The following ZNF674 variants were observed in gnomAD, a reference collection of about 807,000 sequenced individuals.
ZNF674 encodes the protein zinc finger protein 674, also known as zinc finger family member 674.
Under a neutral mutation model 7.0 loss-of-function variants are expected in ZNF674, and 2 were observed. That is an observed-to-expected ratio of 0.29 (90% confidence interval 0.12 to 0.90). ZNF674 has a LOEUF of 0.90. ZNF674 is among the 40% of genes least tolerant of loss of function. The pLI is 0.57. For synonymous variants in ZNF674, 103 were observed against 145.2 expected (o/e 0.71, Z 2.09); for missense variants, 297 against 415.5 (o/e 0.71, Z 2.48).
At chrX:46,542,976 G>A (rs751165709) in intron 2 of ZNF674, among the ~76,000 whole-genome samples, 1 of 110,253 alleles carries the variant, frequency 9.1e-6, no homozygotes, top group South Asian at 3.9e-4. Flanking sequence ...TTGAGATGCA[G>A]TTTTGCTCTT....
In ZNF674 at chrX:46,500,064, T is replaced by A; in HGVS notation, c.1510A>T (p.Lys504Ter). ...CTCTGATGTTTGATGAGAGTTGACT[T>A]CCTACTGAAGGCTTTTTTACAGTCA... is the stretch of plus-strand genomic sequence containing the variant. ...CTDCKKAFSR[K>*]STLIKHQRIH... The change falls in exon 6 of 6, where the codon AAG (lysine) becomes TAG (stop). Residue 504 changes from lysine (K) to a stop codon, truncating the protein, a stop_gained. Transcript: ENST00000683375. LOFTEE classifies it low-confidence loss of function (END_TRUNC). 1.7e-6 allele frequency: 2 copies of A among 1,211,714 alleles called. No individual in the cohort carries two copies. Among genetic ancestry groups the A allele is most frequent in the Non-Finnish European group, 2.2e-6 (2 of 895,330 alleles).
chrX:46,501,383 T>G (rs371099445), intron 5 of ZNF674, 48 bp from the exon 6 acceptor site: 2 of 1,142,262 alleles, frequency 1.8e-6, no homozygotes, highest in African/African-American at 3.6e-5. Flanking sequence ...CCACTATAAT[T>G]TATGAAATAA....
At chrX:46,510,607 G>A (rs996585086) in intron 5 of ZNF674, among the ~76,000 whole-genome samples, 9 of 111,724 alleles carry the variant, frequency 8.1e-5, no homozygotes, top group East Asian at 5.6e-4. Flanking sequence ...TGGCCAACAC[G>A]GTGAAACCCC....
At chrX:46,525,875 C>T (rs1031306684) in intron 5 of ZNF674, among the ~76,000 whole-genome samples, 1 of 111,485 alleles carries the variant, frequency 9.0e-6, no homozygotes, top group Non-Finnish European at 1.9e-5. Context: ...TGAAATTAAA[C>T]AAAATACCAC....
chrX:46,510,004 C>T (rs1167197210), intron 5 of ZNF674, among the ~76,000 whole-genome samples: 1 of 109,337 alleles, frequency 9.1e-6, no homozygotes, highest in Non-Finnish European at 1.9e-5. Flanking sequence ...ATGGATGAAA[C>T]TGGAAATCAT....
At chrX:46,542,278 T>G (rs902445800) in intron 2 of ZNF674, among the ~76,000 whole-genome samples, 162 bp from the exon 3 acceptor site, 1 of 111,460 alleles carries the variant, frequency 9.0e-6, no homozygotes, top group Non-Finnish European at 1.9e-5. Flanking sequence ...ATCATGTGGG[T>G]TTTGCACATG....
chrX:46,544,533 G>C lies in ZNF674; in HGVS notation c.-62C>G, dbSNP rs1233684313. 8.9e-6 allele frequency: 1 copy of C among 112,102 alleles called. No homozygotes were observed. The highest frequency in any genetic ancestry group is 1.9e-5 in the Non-Finnish European group (1 of 53,228). The allele number at this position is 112,102 out of a possible 1,213,427, so 9.2% of individuals were successfully genotyped here. A position where few individuals can be genotyped will look rare whatever the true frequency, so the allele number is the denominator to read the frequency against. ...TGGGGCCTCAGCCTAAGTCTTCTGC[G>C]ACTAAGTGGGGAAGCCGAGGCACAG... On this transcript the variant is annotated 5_prime_UTR_variant, in exon 2 of 6. Coordinates refer to ENST00000683375, the MANE Select transcript of ZNF674 (RefSeq NM_001190417.2).
At chrX:46,508,095 G>A (rs183148378) in intron 5 of ZNF674, among the ~76,000 whole-genome samples, 1 of 110,800 alleles carries the variant, frequency 9.0e-6, no homozygotes, top group African/African-American at 3.3e-5. Flanking sequence ...GCCTTAGGTT[G>A]GTAAATCGGA....
intron 5 of ZNF674, chrX:46,523,763 C>A (rs1941957333): frequency 9.0e-6 from 1 of 111,609 alleles, no homozygotes; most frequent in Non-Finnish European, 1.9e-5. Flanking sequence ...AAATTTGTAG[C>A]CGGGTGCAGT....
At chrX:46,501,365 T>G in intron 5 of ZNF674, 30 bp from the exon 6 acceptor site, 1 of 1,178,092 alleles carries the variant, frequency 8.5e-7, no homozygotes, top group African/African-American at 1.8e-5. Flanking sequence ...ATCATCAAAC[T>G]TGTCTTCCCA....
chrX:46,528,749 G>T, intron 4 of ZNF674, 34 bp downstream of exon 4: 1 of 1,210,638 alleles, frequency 8.3e-7, no homozygotes. Flanking sequence ...AGTACTGGAG[G>T]CATTCTGCAT....
intron 5 of ZNF674, among the ~76,000 whole-genome samples, chrX:46,522,148 C>T (rs761922715): frequency 9.6e-6 from 1 of 103,709 alleles, no homozygotes; most frequent in South Asian, 4.6e-4. Context: ...AAAAGTCTGA[C>T]AAGCAGAAGT....
rs1446256268 is a variant in ZNF674, at chrX:46,501,241, C to T, written c.333G>A (p.Lys111=). ...TTTTACATTCTTGACCACTTTCATC[C>T]TTCAGTGTTTCCTTGCCTATGAATG... The part of the protein sequence containing the change: ...QAAFIGKETL[K]DESGQECKIC... Residue 111 remains lysine, a synonymous_variant, in exon 6 of 6, where the codon AAG becomes AAA. Coordinates refer to ENST00000683375, the MANE Select transcript of ZNF674 (RefSeq NM_001190417.2). 1 of 1,210,834 alleles carries T rather than the reference C, an allele frequency of 8.3e-7. No individual in the cohort carries two copies. Among genetic ancestry groups the T allele is most frequent in the South Asian group, 1.8e-5 (1 of 56,941 alleles).
At chrX:46,501,385 A>G in intron 5 of ZNF674, 50 bp from the exon 6 acceptor site, 3 of 1,130,542 alleles carry the variant, frequency 2.7e-6, no homozygotes, top group Non-Finnish European at 3.6e-6. Context: ...ACTATAATTT[A>G]TGAAATAACT....
At chrX:46,522,167 G>T (rs1006434761) in intron 5 of ZNF674, among the ~76,000 whole-genome samples, 1 of 104,537 alleles carries the variant, frequency 9.6e-6, no homozygotes, top group African/African-American at 3.5e-5. Context: ...GTGGCACGGA[G>T]GGAGCATCTA....
intron 3 of ZNF674, among the ~76,000 whole-genome samples, chrX:46,538,751 G>A (rs778255598): frequency 9.0e-6 from 1 of 111,245 alleles, no homozygotes; most frequent in East Asian, 2.8e-4. Context: ...AATTAGCCAG[G>A]TGTGGTGGCA....
At chrX:46,524,508 G>A (rs1183407380) in intron 5 of ZNF674, among the ~76,000 whole-genome samples, 4 of 106,868 alleles carry the variant, frequency 3.7e-5, no homozygotes, top group East Asian at 6.0e-4. Flanking sequence ...TGACCAACAC[G>A]AAGAAACCCC....
chrX:46,519,324 T>C (rs187773578), intron 5 of ZNF674, among the ~76,000 whole-genome samples: 33 of 106,449 alleles, frequency 3.1e-4, no homozygotes, highest in African/African-American at 1.0e-3. Flanking sequence ...GATAGATAGA[T>C]AGGCCAGGTG....
chrX:46,528,507 C>T, intron 4 of ZNF674, 62 bp from the exon 5 acceptor site: 1 of 1,131,374 alleles, frequency 8.8e-7, no homozygotes, highest in Non-Finnish European at 1.2e-6. Flanking sequence ...GAACCTAGGC[C>T]CACCCCTGCA....
Sources: gnomAD v4.1 joint callset for allele counts (sites outside exome capture counted in the v4.1 genomes callset) on GRCh38, gnomAD v4.1.1 for gene constraint, MANE v1.5 for transcripts, NCBI Gene and HGNC (gene_info 2026-07-23, HGNC 2026-07-21) for gene names.